The following PUS7 variants were observed in gnomAD, a reference collection of about 807,000 sequenced individuals.
The protein encoded by PUS7 is pseudouridylate synthase 7 homolog.
A neutral mutation model predicts 79.8 loss-of-function variants in PUS7; 48 were observed. The ratio of observed to expected loss-of-function variants is 0.60; its 90% CI spans 0.48 to 0.76. The LOEUF is 0.76. Among genes scored for constraint, PUS7 ranks in the 30% least tolerant of loss-of-function variants. PUS7 has a pLI of 0.00. For synonymous variants in PUS7, 286 were observed against 272.2 expected (o/e 1.05, Z -0.50); for missense variants, 729 against 797.6 (o/e 0.91, Z 1.04).
At chr7:105,507,014 T>C (rs1258039815) in intron 2 of PUS7, among the ~76,000 whole-genome samples, 1 of 152,154 alleles carries the variant, frequency 6.6e-6, no homozygotes, top group Non-Finnish European at 1.5e-5. Context: ...AACCCCAATG[T>C]GGTAATATGA....
At chr7:105,490,324 A>G (rs114973145) in intron 7 of PUS7, among the ~76,000 whole-genome samples, 5 of 152,026 alleles carry the variant, frequency 3.3e-5, no homozygotes, top group South Asian at 4.1e-4. Context: ...CCTTGCCCCT[A>G]TGTTATTTCT....
chr7:105,481,183 G>A lies in PUS7; in HGVS notation c.1050-6C>T, dbSNP rs966456976. ...CATCAGTTCCTGTTATATTTCTACA[G>A]GGACACAAATTATCCAGAGGAAAAA... is the stretch of plus-strand genomic sequence containing the variant. On this transcript the variant is annotated splice_region_variant and splice_polypyrimidine_tract_variant and intron_variant, in intron 8 of 15. Transcript: ENST00000469408. The A allele has an allele frequency of 2.5e-6, 4 of 1,604,236 alleles. No homozygotes were observed. Among genetic ancestry groups the A allele is most frequent in the African/African-American group, 2.7e-5 (2 of 74,446 alleles).
At chr7:105,465,452 G>T (rs2133052837) in intron 12 of PUS7, 38 bp from the exon 13 acceptor site, 1 of 1,416,396 alleles carries the variant, frequency 7.1e-7, no homozygotes, top group Non-Finnish European at 9.9e-7. Flanking sequence ...TAAGAAAATA[G>T]GCAATATTGT....
chr7:105,494,375 C>T (rs1285864981), intron 6 of PUS7, among the ~76,000 whole-genome samples: 82 of 146,492 alleles, frequency 5.6e-4, no homozygotes, highest in Admixed American at 6.9e-5. Context: ...CTGGAAGAAA[C>T]AATGCACTTC....
intron 6 of PUS7, among the ~76,000 whole-genome samples, chr7:105,492,425 A>G (rs996590054): frequency 6.6e-6 from 1 of 151,148 alleles, no homozygotes; most frequent in African/African-American, 2.4e-5. Context: ...CCTGGGTTCA[A>G]GCAATTCTCC....
intron 12 of PUS7, among the ~76,000 whole-genome samples, chr7:105,467,104 G>GA (rs1823680868): frequency 2.4e-5 from 3 of 124,882 alleles, no homozygotes; most frequent in African/African-American, 6.1e-5. Context: ...AACCTCACCT[G>GA]AAAAAACAGA....
chr7:105,460,841 G>A (rs974982449), intron 14 of PUS7, among the ~76,000 whole-genome samples: 11 of 115,902 alleles, frequency 9.5e-5, no homozygotes, highest in Admixed American at 6.1e-4. Context: ...GCGACAGAGC[G>A]AGACTCCGTC....
intron 1 of PUS7, among the ~76,000 whole-genome samples, chr7:105,518,915 C>T (rs1262613512): frequency 6.6e-6 from 1 of 150,638 alleles, no homozygotes; most frequent in African/African-American, 2.4e-5. Flanking sequence ...ATTACAGGCG[C>T]CCGCCACAAC....
Position 105,512,488 on chromosome 7 carries a change from G to T in PUS7, c.-32-3944C>A, listed in dbSNP as rs540434390. Among the ~76,000 whole-genome samples, 79 of 152,230 alleles carry T rather than the reference G, an allele frequency of 5.2e-4. 1 individual carries two copies. Among genetic ancestry groups the T allele is most frequent in the African/African-American group, 1.9e-3 (77 of 41,548 alleles). On this transcript the variant is annotated intron_variant, in intron 1 of 15. Coordinates refer to ENST00000469408, the MANE Select transcript of PUS7 (RefSeq NM_019042.5). ...ACCTAACCAAAGACTACAATGCCTG[G>T]GCCAAATTTTGTGGCATAAGGAAGA...
In PUS7 at chr7:105,488,026, G is replaced by A. The variant is rs548780550; in HGVS notation, c.920+3514C>T. ...CCATGTATCCATTAAACAAACTAAG[G>A]GTGTAGCCTGTATCCGTGAGATAAG... On this transcript the variant is annotated intron_variant, in intron 7 of 15. Transcript: ENST00000469408. Among the ~76,000 whole-genome samples, 9 of 152,196 alleles carry A rather than the reference G, an allele frequency of 5.9e-5. No individual in the cohort carries two copies. The East Asian group carries it at 9.7e-4, about 16-fold the overall frequency.
intron 12 of PUS7, among the ~76,000 whole-genome samples, chr7:105,467,086 A>G (rs1367517169): frequency 2.2e-5 from 3 of 134,690 alleles, no homozygotes; most frequent in Admixed American, 1.7e-4. Flanking sequence ...ACTTTGGGCA[A>G]GTGACTAAAC....
In PUS7 at chr7:105,470,970, T is replaced by C. The variant is rs1020218664; in HGVS notation, c.1238-122A>G. ...CTACTTGAAATATAGGTGCTGTTTA[T>C]AGCTACCACTCATCTGAGGAAGCGC... is the stretch of plus-strand genomic sequence containing the variant. On this transcript the variant is annotated intron_variant, in intron 10 of 15. Coordinates refer to ENST00000469408, the MANE Select transcript of PUS7 (RefSeq NM_019042.5). 14 of 1,057,604 alleles carry C rather than the reference T, an allele frequency of 1.3e-5. No homozygotes were observed. The East Asian group carries it at 1.6e-4, about 12-fold the overall frequency. The allele number at this position is 1,057,604 out of a possible 1,614,324, so 65.5% of individuals were successfully genotyped here.
At chr7:105,460,552 A>C (rs56279305) in intron 14 of PUS7, among the ~76,000 whole-genome samples, 3,538 of 152,188 alleles carry the variant, frequency 0.023, 54 homozygotes, top group African/African-American at 0.031. Flanking sequence ...GATAATACTG[A>C]GTATTAAAAT....
At chr7:105,511,675 C>A (rs1048799220) in intron 1 of PUS7, among the ~76,000 whole-genome samples, 2 of 151,878 alleles carry the variant, frequency 1.3e-5, no homozygotes, top group Non-Finnish European at 2.9e-5. Context: ...GCAGGAGAAT[C>A]GTTTGAACCC....
chr7:105,519,821 A>C (rs576122809), intron 1 of PUS7, among the ~76,000 whole-genome samples: 1 of 152,298 alleles, frequency 6.6e-6, no homozygotes, highest in South Asian at 2.1e-4. Flanking sequence ...TCTAAGGAGG[A>C]GACTTCTGAG....
chr7:105,494,287 C>A (rs946462221), intron 6 of PUS7, among the ~76,000 whole-genome samples: 1 of 151,966 alleles, frequency 6.6e-6, no homozygotes, highest in Non-Finnish European at 1.5e-5. Flanking sequence ...ATTGGCACTA[C>A]GTATGTGGGG....
chr7:105,466,308 A>G (rs991198574), intron 12 of PUS7, among the ~76,000 whole-genome samples: 6 of 152,110 alleles, frequency 3.9e-5, no homozygotes, highest in Non-Finnish European at 7.4e-5. Flanking sequence ...CTAAGGCCAG[A>G]GTGCAGTGGT....
chr7:105,499,516 AATTT>A (rs1825166030), intron 5 of PUS7, among the ~76,000 whole-genome samples: 1 of 152,228 alleles, frequency 6.6e-6, no homozygotes, highest in Non-Finnish European at 1.5e-5. Flanking sequence ...AATATAAATT[AATTT>A]ATCAGTAATG....
At position 105,457,814 on chromosome 7, in the gene PUS7, C is replaced by T. The variant is rs762590040; in HGVS notation, c.1962G>A (p.Gln654=). The change falls in exon 16 of 16, where the codon CAG becomes CAA. Residue 654 remains glutamine, a synonymous_variant. Coordinates refer to ENST00000469408, the MANE Select transcript of PUS7 (RefSeq NM_019042.5). ...CTCAGCGAAGCCAGGTTGTATTCAGCTGCGTCTGGTTCTTGATACTGGTAT... is the reference window on the plus strand; with the variant it reads ...CTCAGCGAAGCCAGGTTGTATTCAGTTGCGTCTGGTTCTTGATACTGGTAT... ...KMDTSIKNQT[Q]LNTTWLR is the part of the protein sequence containing the mutation. 8 of 1,614,060 alleles carry T rather than the reference C, an allele frequency of 5.0e-6. No homozygotes were observed. The highest frequency in any genetic ancestry group is 6.8e-6 in the Non-Finnish European group (8 of 1,179,980).
Sources: allele counts gnomAD v4.1 joint callset (sites outside exome capture counted in the v4.1 genomes callset), GRCh38; gene constraint gnomAD v4.1.1; transcripts MANE v1.5; gene names NCBI Gene and HGNC (gene_info 2026-07-23, HGNC 2026-07-21).